Variants in PRKN observed in about 807,000 individuals in gnomAD.
PRKN encodes the protein E3 ubiquitin-protein ligase parkin.
Under a neutral mutation model 59.5 loss-of-function variants are expected in PRKN, and 56 were observed. The observed-to-expected ratio is 0.94, with a 90% CI of 0.76 to 1.18. PRKN has a LOEUF of 1.18. Ranked by LOEUF, PRKN falls within the 50% of genes most tolerant of loss-of-function variation. The pLI is 0.00. For missense variants in PRKN, 657 were observed against 596.4 expected (o/e 1.10, Z -1.06); for synonymous variants, 250 against 222.1 (o/e 1.13, Z -1.12).
chr6:162,155,987 C>A (rs1782496237), intron 4 of PRKN, among the ~76,000 whole-genome samples: 1 of 152,026 alleles, frequency 6.6e-6, no homozygotes. Flanking sequence ...TGATTTCTTC[C>A]AAACAGACAA....
intron 2 of PRKN, among the ~76,000 whole-genome samples, chr6:162,297,172 T>C (rs1781715678): frequency 7.8e-6 from 1 of 127,972 alleles, no homozygotes. Context: ...AATTTTTCTT[T>C]TCTTTTTTTT....
rs146960679 is a variant in PRKN at position 162,377,522 on chromosome 6, A to G, written c.171+65788T>C. Among the ~76,000 whole-genome samples the G allele has an allele frequency of 3.5e-3, 529 of 152,324 alleles. 2 individuals are homozygous for G. Among genetic ancestry groups the G allele is most frequent in the Non-Finnish European group, 5.8e-3 (396 of 68,020 alleles). On this transcript the variant is annotated intron_variant, in intron 2 of 11. Coordinates refer to ENST00000366898, the MANE Select transcript of PRKN (RefSeq NM_004562.3). ...GCAGACTAAAATTCTCCTTGAATCTAGTTCAAACTGTCCAAAAGAGGGGAT... is the reference window on the plus strand; with the variant it reads ...GCAGACTAAAATTCTCCTTGAATCTGGTTCAAACTGTCCAAAAGAGGGGAT...
intron 2 of PRKN, among the ~76,000 whole-genome samples, chr6:162,371,244 C>T (rs1170489493): frequency 6.6e-6 from 1 of 152,168 alleles, no homozygotes; most frequent in Non-Finnish European, 1.5e-5. Flanking sequence ...TCACTCTGGG[C>T]CCCGACCCAA....
At chr6:162,531,404 T>A (rs995893247) in intron 1 of PRKN, among the ~76,000 whole-genome samples, 1 of 151,578 alleles carries the variant, frequency 6.6e-6, no homozygotes, top group African/African-American at 2.4e-5. Flanking sequence ...GAGACCTGAG[T>A]TTTATAATTA....
In PRKN at chr6:161,874,969, T is replaced by A. The variant is rs1457509650; in HGVS notation, c.735-89061A>T. Reference sequence around the variant, plus strand: ...TTATAGGTACTTTATATATAATATATAATTTATTATATTATATACTTTATA... The same window carrying A: ...TTATAGGTACTTTATATATAATATAAAATTTATTATATTATATACTTTATA... On this transcript the variant is annotated intron_variant, in intron 6 of 11. Coordinates refer to ENST00000366898, the MANE Select transcript of PRKN (RefSeq NM_004562.3). Among the ~76,000 whole-genome samples, 14 of 105,402 alleles carry A rather than the reference T, an allele frequency of 1.3e-4. No homozygotes were observed. In the East Asian group the frequency reaches 3.4e-3, roughly 26 times the overall value. The allele number at this position is 105,402 out of a possible 152,430, so 69.1% of individuals were successfully genotyped here. A position where few individuals can be genotyped will look rare whatever the true frequency, so the allele number is the denominator to read the frequency against.
chr6:162,590,606 C>T (rs943288649), intron 1 of PRKN, among the ~76,000 whole-genome samples: 1 of 151,106 alleles, frequency 6.6e-6, no homozygotes, highest in African/African-American at 2.4e-5. Flanking sequence ...ATCAGTTTCA[C>T]TAAAGCCCAC....
chr6:162,362,288 T>C (rs192520166), intron 2 of PRKN, among the ~76,000 whole-genome samples: 8 of 152,346 alleles, frequency 5.3e-5, no homozygotes, highest in Admixed American at 3.3e-4. Context: ...ATGTAAAATA[T>C]ATGTTTTGTA....
At chr6:162,701,581 C>A (rs1032619617) in intron 1 of PRKN, among the ~76,000 whole-genome samples, 1 of 151,726 alleles carries the variant, frequency 6.6e-6, no homozygotes, top group African/African-American at 2.4e-5. Context: ...AATACAAGTC[C>A]AGCACACCTG....
chr6:162,194,836 T>C (rs1784428328), intron 4 of PRKN, among the ~76,000 whole-genome samples: 1 of 152,144 alleles, frequency 6.6e-6, no homozygotes, highest in African/African-American at 2.4e-5. Context: ...CGACTGGCTC[T>C]TTGCGAGGTG....
rs967104991 is a variant in PRKN, at chr6:161,445,273, T to C, written c.1084-58396A>G. On this transcript the variant is annotated intron_variant, in intron 9 of 11. Transcript: ENST00000366898. The surrounding 1 kb of genome is among the most constrained non-coding windows in gnomAD (Gnocchi z 7.7). ...ACCACAAAGACAGGACTGTAAAACA[T>C]AGACCGCATGTGACCTGCTGGTGCT... Among the ~76,000 whole-genome samples the C allele has an allele frequency of 2.6e-5, 4 of 152,066 alleles. No individual in the cohort carries two copies. Among genetic ancestry groups the C allele is most frequent in the African/African-American group, 7.2e-5 (3 of 41,400 alleles).
At chr6:161,884,989 AAT>A (rs201905506) in intron 6 of PRKN, among the ~76,000 whole-genome samples, 1,671 of 151,664 alleles carry the variant, frequency 0.011, 39 homozygotes, top group African/African-American at 0.039. Context: ...AAAAAAAAAA[AAT>A]GCTATCTGTA....
At chr6:161,491,254 T>G (rs944291359) in intron 9 of PRKN, among the ~76,000 whole-genome samples, 1 of 152,156 alleles carries the variant, frequency 6.6e-6, no homozygotes, top group African/African-American at 2.4e-5. Flanking sequence ...GCTGGGCTGA[T>G]GGGCAGGGTG....
intron 4 of PRKN, among the ~76,000 whole-genome samples, chr6:162,184,747 C>T (rs1406520351): frequency 1.3e-5 from 2 of 152,120 alleles, no homozygotes; most frequent in Admixed American, 6.6e-5. Context: ...TTGCTGATCC[C>T]CACTGAAGTT....
intron 4 of PRKN, among the ~76,000 whole-genome samples, chr6:162,147,928 G>C (rs2128312836): frequency 6.6e-6 from 1 of 152,234 alleles, no homozygotes; most frequent in South Asian, 2.1e-4. Context: ...GTCATGAACA[G>C]CATAAAAGAG....
At chr6:161,374,547 G>C (rs1039943696) in intron 10 of PRKN, among the ~76,000 whole-genome samples, 2 of 120,432 alleles carry the variant, frequency 1.7e-5, no homozygotes, top group Non-Finnish European at 3.4e-5. Context: ...CATGTGTGTG[G>C]TGTGTGATGT....
chr6:162,287,475 G>A (rs1781245059), intron 2 of PRKN, among the ~76,000 whole-genome samples: 1 of 152,118 alleles, frequency 6.6e-6, no homozygotes, highest in African/African-American at 2.4e-5. Context: ...GGCTGAGGTG[G>A]GAGGATCGCT....
At chr6:162,528,415 AATAAAT>A (rs1472988478) in intron 1 of PRKN, among the ~76,000 whole-genome samples, 8 of 152,184 alleles carry the variant, frequency 5.3e-5, no homozygotes, top group African/African-American at 1.9e-4. Context: ...ATCAGTAAGA[AATAAAT>A]ATAAATAATA....
rs1562401192 is a variant in PRKN, at chr6:161,371,133, A to AATATGTAT, written c.1168-10936_1168-10929dup. 6.6e-6 allele frequency among the ~76,000 whole-genome samples: 1 copy of AATATGTAT among 152,074 alleles called. No homozygotes were observed. The highest frequency in any genetic ancestry group is 2.4e-5 in the African/African-American group (1 of 41,412). On this transcript the variant is annotated intron_variant, in intron 10 of 11. Transcript: ENST00000366898. The surrounding 1 kb of genome is among the most constrained non-coding windows in gnomAD (Gnocchi z 5.5). ...GTCTTATGACTATCTCTTTTTGGAG[A>AATATGTAT]ATATGTATATATGTATATATTTAAA...
chr6:162,600,782 T>C (rs566148778), intron 1 of PRKN, among the ~76,000 whole-genome samples: 3 of 152,272 alleles, frequency 2.0e-5, no homozygotes, highest in Non-Finnish European at 2.9e-5. Context: ...CCTCCTGCTA[T>C]GGCCATTTAA....
Sources: allele counts gnomAD v4.1 joint callset (sites outside exome capture counted in the v4.1 genomes callset), GRCh38; gene constraint gnomAD v4.1.1; non-coding constraint Gnocchi (gnomAD v3.1); transcripts MANE v1.5; gene names NCBI Gene and HGNC (gene_info 2026-07-23, HGNC 2026-07-21).